The following TAF3 variants were observed in gnomAD, a reference collection of about 807,000 sequenced individuals.
TAF3 encodes TATA-box binding protein associated factor 3.
In TAF3, 7 loss-of-function variants were observed where a neutral mutation model predicts 80.6. The observed-to-expected ratio is 0.09, with a 90% CI of 0.05 to 0.16. TAF3 has a LOEUF of 0.16. Among genes scored for constraint, TAF3 ranks in the 10% least tolerant of loss-of-function variants. TAF3 has a pLI of 1.00. For missense variants in TAF3, 921 were observed against 1,140.2 expected, an observed-to-expected ratio of 0.81 and a Z score of 2.77; for synonymous variants, 444 against 446.1, an observed-to-expected ratio of 1.00 and a Z score of 0.06.
intron 2 of TAF3, among the ~76,000 whole-genome samples, chr10:7,954,576 T>C (rs79535041): frequency 8.2e-4 from 84 of 101,850 alleles, no homozygotes; most frequent in South Asian, 1.2e-3. Flanking sequence ...TAGTGAGATT[T>C]AGAGTGCACT....
intron 2 of TAF3, among the ~76,000 whole-genome samples, chr10:7,882,491 T>C (rs1837371196): frequency 6.6e-6 from 1 of 152,200 alleles, no homozygotes; most frequent in South Asian, 2.1e-4. Flanking sequence ...AAAAAGAATG[T>C]GTTACAATTA....
At chr10:7,924,993 A>G (rs1018911798) in intron 2 of TAF3, among the ~76,000 whole-genome samples, 1 of 152,206 alleles carries the variant, frequency 6.6e-6, no homozygotes, top group African/African-American at 2.4e-5. Context: ...AAAGTGAGAA[A>G]TACTCTAGAT....
intron 2 of TAF3, among the ~76,000 whole-genome samples, chr10:7,881,260 A>C (rs537346360): frequency 1.3e-5 from 2 of 151,964 alleles, no homozygotes; most frequent in African/African-American, 4.8e-5. Context: ...AACAAAAAAA[A>C]AACCCACAAG....
intron 4 of TAF3, among the ~76,000 whole-genome samples, chr10:7,981,941 A>T (rs1831729815): frequency 1.3e-5 from 2 of 152,194 alleles, no homozygotes; most frequent in Admixed American, 1.3e-4. Flanking sequence ...AGTGATCTAA[A>T]CTTTTCCAGT....
At chr10:7,993,263 T>A (rs1167435012) in intron 4 of TAF3, among the ~76,000 whole-genome samples, 1 of 152,170 alleles carries the variant, frequency 6.6e-6, no homozygotes, top group African/African-American at 2.4e-5. Context: ...ACTGCAGCCT[T>A]GAACTTCTGA....
intron 2 of TAF3, among the ~76,000 whole-genome samples, chr10:7,957,234 G>A (rs1838144598): frequency 6.6e-6 from 1 of 152,130 alleles, no homozygotes; most frequent in Admixed American, 6.5e-5. Context: ...GTCCTTCAAA[G>A]CTTCCCCAAC....
intron 3 of TAF3, among the ~76,000 whole-genome samples, chr10:7,976,104 C>G (rs1831670152): frequency 6.6e-6 from 1 of 152,190 alleles, no homozygotes; most frequent in African/African-American, 2.4e-5. Context: ...TGTGAAGAGA[C>G]CCTTTAACAT....
intron 2 of TAF3, among the ~76,000 whole-genome samples, chr10:7,852,269 A>T (rs965554256): frequency 2.0e-5 from 3 of 152,292 alleles, no homozygotes; most frequent in Middle Eastern, 3.4e-3. Context: ...GAATGTCATC[A>T]AATAACCAGT....
At chr10:7,894,808 A>C (rs1837490743) in intron 2 of TAF3, among the ~76,000 whole-genome samples, 1 of 152,162 alleles carries the variant, frequency 6.6e-6, no homozygotes, top group Non-Finnish European at 1.5e-5. Context: ...GTTTTGACTG[A>C]AGATGCCTCC....
intron 4 of TAF3, among the ~76,000 whole-genome samples, chr10:8,001,784 TTAAC>T (rs1319650871): frequency 1.3e-5 from 2 of 152,334 alleles, no homozygotes; most frequent in Admixed American, 6.5e-5. Flanking sequence ...ATTTTTTTAA[TTAAC>T]TATACCATCC....
intron 2 of TAF3, among the ~76,000 whole-genome samples, chr10:7,852,284 T>C (rs1837035900): frequency 6.6e-6 from 1 of 152,242 alleles, no homozygotes; most frequent in Non-Finnish European, 1.5e-5. Flanking sequence ...ACCAGTCTTT[T>C]CACATTTTAA....
At chr10:7,938,557 C>CA (rs1169612936) in intron 2 of TAF3, among the ~76,000 whole-genome samples, 12 of 151,046 alleles carry the variant, frequency 7.9e-5, no homozygotes, top group Non-Finnish European at 1.2e-4. Context: ...GCCAGTCAGA[C>CA]AAAAAAAAGA....
intron 3 of TAF3, among the ~76,000 whole-genome samples, chr10:7,968,486 A>G (rs1831593352): frequency 6.6e-6 from 1 of 152,228 alleles, no homozygotes; most frequent in African/African-American, 2.4e-5. Flanking sequence ...AAGATCCAGG[A>G]CAAGTTTTTT....
In TAF3 at chr10:7,872,213, A is replaced by ATTTTTTTTTTTTT. The variant is rs34945620; in HGVS notation, c.409+47661_409+47673dup. On this transcript the variant is annotated intron_variant, in intron 2 of 6. Coordinates refer to ENST00000344293, the MANE Select transcript of TAF3 (RefSeq NM_031923.4). ...GTAACATGGTAGAAGTGTTGGGTTGATTTTTTTTTTTTTTTTTTTTCTTTC... is the reference window on the plus strand; with the variant it reads ...GTAACATGGTAGAAGTGTTGGGTTGATTTTTTTTTTTTTTTTTTTTTTTTTTTTTTTTTCTTTC... Among the ~76,000 whole-genome samples, 350 of 121,914 alleles carry ATTTTTTTTTTTTT rather than the reference A, an allele frequency of 2.9e-3. 2 individuals are homozygous for ATTTTTTTTTTTTT. Among genetic ancestry groups the ATTTTTTTTTTTTT allele is most frequent in the African/African-American group, 7.1e-3 (232 of 32,474 alleles). 80.0% of individuals were successfully genotyped at this position (121,914 alleles called of 152,430 possible).
chr10:7,947,281 C>G (rs1838034096), intron 2 of TAF3, among the ~76,000 whole-genome samples: 1 of 152,104 alleles, frequency 6.6e-6, no homozygotes, highest in African/African-American at 2.4e-5. Context: ...CTCCAGCCCC[C>G]ACCGCAGGCC....
In TAF3 at chr10:8,015,891, G is replaced by C. The variant is rs1019532968; in HGVS notation, c.*1140G>C. ...AAACAACAAAAAACCCACATATACTGTAGCATTTTGTCTTTATATTGTTTT... is the reference window on the plus strand; with the variant it reads ...AAACAACAAAAAACCCACATATACTCTAGCATTTTGTCTTTATATTGTTTT... On this transcript the variant is annotated 3_prime_UTR_variant, in exon 7 of 7. Coordinates refer to ENST00000344293, the MANE Select transcript of TAF3 (RefSeq NM_031923.4). 2.0e-5 allele frequency: 3 copies of C among 150,228 alleles called. No homozygotes were observed. The highest frequency in any genetic ancestry group is 7.3e-5 in the African/African-American group (3 of 40,982). 9.3% of individuals were successfully genotyped at this position (150,228 alleles called of 1,614,324 possible).
intron 4 of TAF3, among the ~76,000 whole-genome samples, chr10:7,979,588 T>C (rs1424120618): frequency 6.6e-6 from 1 of 152,136 alleles, no homozygotes; most frequent in African/African-American, 2.4e-5. Context: ...ATATTATATA[T>C]CATGTAAACT....
intron 2 of TAF3, among the ~76,000 whole-genome samples, chr10:7,916,948 G>GT (rs1177257587): frequency 6.6e-6 from 1 of 152,188 alleles, no homozygotes; most frequent in Non-Finnish European, 1.5e-5. Context: ...AATATAGACT[G>GT]TCTGTTGTGT....
chr10:7,959,163 C>CACAA (rs1491220811), intron 2 of TAF3, among the ~76,000 whole-genome samples: 5 of 96,174 alleles, frequency 5.2e-5, no homozygotes, highest in African/African-American at 1.9e-4. Flanking sequence ...CACACACACA[C>CACAA]AAAAAAAGTT....
Sources: allele counts gnomAD v4.1 joint callset (sites outside exome capture counted in the v4.1 genomes callset), GRCh38; gene constraint gnomAD v4.1.1; transcripts MANE v1.5; gene names NCBI Gene and HGNC (gene_info 2026-07-23, HGNC 2026-07-21).